TNKS: variants seen among roughly 807,000 people sequenced by gnomAD.
TNKS encodes tankyrase, also known as poly [ADP-ribose] polymerase tankyrase-1.
Under a neutral mutation model 135.8 loss-of-function variants are expected in TNKS, and 72 were observed. That is an observed-to-expected ratio of 0.53 (90% CI 0.44 to 0.64). TNKS has a LOEUF of 0.64. Among genes scored for constraint, TNKS ranks in the 30% least tolerant of loss-of-function variants. The probability of loss-of-function intolerance (pLI) is 0.00; values close to 1 mark genes in which losing one functional copy is unlikely to be tolerated. For synonymous variants in TNKS, 849 were observed against 649.3 expected, an observed-to-expected ratio of 1.31 and a Z score of -4.68; for missense variants, 1,769 against 1,674.0, an observed-to-expected ratio of 1.06 and a Z score of -0.99.
intron 11 of TNKS, among the ~76,000 whole-genome samples, chr8:9,712,367 C>A (rs1412477911): frequency 6.6e-6 from 1 of 151,748 alleles, no homozygotes; most frequent in African/African-American, 2.4e-5. Flanking sequence ...ATAGTCCTAG[C>A]GACTCGGGAG....
rs749941639 is a variant in TNKS at position 9,748,072 on chromosome 8, G to A, written c.2692G>A (p.Ala898Thr). The change falls in exon 18 of 27, where the codon GCA becomes ACA. Residue 898 changes from alanine (A) to threonine (T), a missense_variant. Around this residue, in one of 5 missense-constraint regions of TNKS, gnomAD observed 722 missense variants for 688.9 expected, o/e 1.05. Coordinates refer to ENST00000310430, the MANE Select transcript of TNKS (RefSeq NM_003747.3). ...GATAAAATACAACACGTGTGTAAAT[G>A]CAACAGATAAGTGGGCGTTTACTCC... Reference protein sequence around the residue: ...LLIKYNTCVNATDKWAFTPLH... With the variant: ...LLIKYNTCVNTTDKWAFTPLH... 10 of 1,613,238 alleles carry A rather than the reference G, an allele frequency of 6.2e-6. No homozygotes were observed. In the South Asian group the frequency reaches 9.9e-5, roughly 16 times the overall value.
At chr8:9,680,960 A>T (rs953352870) in intron 5 of TNKS, 160 bp downstream of exon 5, 9 of 508,972 alleles carry the variant, frequency 1.8e-5, no homozygotes, top group African/African-American at 1.6e-4. Context: ...GGCAGTTGTG[A>T]CACATTCATA....
chr8:9,672,870 G>A (rs911879900), intron 3 of TNKS, among the ~76,000 whole-genome samples: 1 of 151,834 alleles, frequency 6.6e-6, no homozygotes, highest in Non-Finnish European at 1.5e-5. Context: ...CCCTCCTTCC[G>A]TCTTCCTTTC....
At chr8:9,629,716 T>G (rs1800209758) in intron 3 of TNKS, among the ~76,000 whole-genome samples, 1 of 152,260 alleles carries the variant, frequency 6.6e-6, no homozygotes, top group Non-Finnish European at 1.5e-5. Context: ...GAAGTCTCGC[T>G]CTGTCGCCCA....
At position 9,598,852 on chromosome 8, in the gene TNKS, G is replaced by T. The variant is rs574680854; in HGVS notation, c.899-16730G>T. Among the ~76,000 whole-genome samples, 3 of 130,316 alleles carry T rather than the reference G, an allele frequency of 2.3e-5. No individual in the cohort carries two copies. In the East Asian group the frequency reaches 7.6e-4, roughly 33 times the overall value. The allele number at this position is 130,316 out of a possible 152,430, so 85.5% of individuals were successfully genotyped here. ...TGGTCTTCATGTTTTACACACATAA[G>T]AAATTTATCTGGAATGCTAGTAAGT... On this transcript the variant is annotated intron_variant, in intron 2 of 26. Transcript: ENST00000310430.
At chr8:9,571,096 C>G (rs1414876663) in intron 1 of TNKS, among the ~76,000 whole-genome samples, 1 of 152,156 alleles carries the variant, frequency 6.6e-6, no homozygotes, top group Non-Finnish European at 1.5e-5. Flanking sequence ...ATTCATTGTA[C>G]TATGTTTAAC....
intron 11 of TNKS, among the ~76,000 whole-genome samples, chr8:9,717,670 T>G (rs921152058): frequency 1.3e-5 from 2 of 152,198 alleles, no homozygotes; most frequent in African/African-American, 4.8e-5. Flanking sequence ...GGCATGGTAC[T>G]TACTGCTGAG....
chr8:9,673,738 C>G (rs1043778556), intron 3 of TNKS, among the ~76,000 whole-genome samples: 3 of 152,056 alleles, frequency 2.0e-5, no homozygotes, highest in Non-Finnish European at 4.4e-5. Flanking sequence ...CCACCGCACC[C>G]GGCCTGGAAT....
At chr8:9,579,385 C>A (rs1158495671) in intron 1 of TNKS, among the ~76,000 whole-genome samples, 1 of 152,202 alleles carries the variant, frequency 6.6e-6, no homozygotes, top group African/African-American at 2.4e-5. Flanking sequence ...CATACCCATA[C>A]ATTCATCCCC....
intron 1 of TNKS, among the ~76,000 whole-genome samples, chr8:9,572,379 A>C (rs1797788093): frequency 6.6e-6 from 1 of 152,226 alleles, no homozygotes; most frequent in Non-Finnish European, 1.5e-5. Flanking sequence ...CAAAGTGTCC[A>C]TGCTGTTTGG....
At chr8:9,565,209 GGGTAAACTTTTTTTTAAGCTGTTTTTT>G (rs1797479202) in intron 1 of TNKS, among the ~76,000 whole-genome samples, 1 of 152,110 alleles carries the variant, frequency 6.6e-6, no homozygotes, top group African/African-American at 2.4e-5. Context: ...AGCAGCGTGA[GGGTAAACTTTTTTTTAAGCTGTTTTTT>G]GGAGTGTGTC....
rs188575189 is a variant in TNKS, at chr8:9,562,109, G to A, written c.673+5497G>A. On this transcript the variant is annotated intron_variant, in intron 1 of 26. Transcript: ENST00000310430. ...TGGGATTACAGGAGTGACCCACCAC[G>A]CCTGGCCTTATATATCTTTTATGAA... Among the ~76,000 whole-genome samples the A allele has an allele frequency of 2.4e-3, 369 of 152,120 alleles. 2 individuals are homozygous for A. Among genetic ancestry groups the A allele is most frequent in the African/African-American group, 8.4e-3 (349 of 41,516 alleles).
chr8:9,561,293 A>G (rs746501420), intron 1 of TNKS, among the ~76,000 whole-genome samples: 13 of 152,230 alleles, frequency 8.5e-5, no homozygotes, highest in Non-Finnish European at 1.9e-4. Context: ...TGACAAATGC[A>G]GATACATGTG....
At chr8:9,717,072 AATATATATATATATATATAT>A (rs368231440) in intron 11 of TNKS, among the ~76,000 whole-genome samples, 2 of 79,460 alleles carry the variant, frequency 2.5e-5, no homozygotes, top group African/African-American at 9.2e-5. Flanking sequence ...GTTGTATTAT[AATATATATATATATATATAT>A]ATATATATAT....
At chr8:9,600,825 C>A (rs995398099) in intron 2 of TNKS, among the ~76,000 whole-genome samples, 3 of 152,066 alleles carry the variant, frequency 2.0e-5, no homozygotes, top group African/African-American at 7.2e-5. Flanking sequence ...GACTAAAACC[C>A]TGGAATTTTT....
At chr8:9,680,835 A>C in intron 5 of TNKS, 35 bp downstream of exon 5, 1 of 1,557,942 alleles carries the variant, frequency 6.4e-7, no homozygotes, top group Non-Finnish European at 8.8e-7. Flanking sequence ...CTTTAATTGC[A>C]ATGCTTCAAA....
At chr8:9,660,581 G>A (rs1205347285) in intron 3 of TNKS, among the ~76,000 whole-genome samples, 25 of 152,240 alleles carry the variant, frequency 1.6e-4, no homozygotes, top group Admixed American at 4.6e-4. Flanking sequence ...TTGATGGGAC[G>A]TATCTCAAAA....
Position 9,764,804 on chromosome 8 carries a change from G to A in TNKS, c.3447+14G>A. 1 of 1,574,028 alleles carries A rather than the reference G, an allele frequency of 6.4e-7. No individual in the cohort carries two copies. The highest frequency in any genetic ancestry group is 1.2e-5 in the South Asian group (1 of 82,718). ...AATGTCATTCGAGTAAGTTTTTAAA[G>A]TTTCATGGTGAAAACTGGATTGCAA... On this transcript the variant is annotated intron_variant, in intron 23 of 26. Coordinates refer to ENST00000310430, the MANE Select transcript of TNKS (RefSeq NM_003747.3).
At chr8:9,767,816 G>A (rs890829382) in intron 25 of TNKS, among the ~76,000 whole-genome samples, 9 of 152,044 alleles carry the variant, frequency 5.9e-5, no homozygotes, top group South Asian at 2.1e-4. Context: ...AAAATTAGCC[G>A]GGCGTGGTGG....
Sources: gnomAD v4.1 joint callset for allele counts (sites outside exome capture counted in the v4.1 genomes callset) on GRCh38, gnomAD v4.1.1 for gene constraint, gnomAD v4.1.1 regional missense constraint, MANE v1.5 for transcripts, NCBI Gene and HGNC (gene_info 2026-07-23, HGNC 2026-07-21) for gene names.